Variants in GRIN2B observed in about 807,000 individuals in gnomAD.
GRIN2B encodes the protein glutamate ionotropic receptor NMDA type subunit 2B.
Under a neutral mutation model 114.5 loss-of-function variants are expected in GRIN2B, and 5 were observed. That is an observed-to-expected ratio of 0.04 (90% confidence interval 0.02 to 0.09). The LOEUF is 0.09. Ranked by LOEUF, GRIN2B falls within the 10% of genes least tolerant of loss-of-function variation. GRIN2B has a pLI of 1.00. For synonymous variants in GRIN2B, 787 were observed against 745.1 expected, an observed-to-expected ratio of 1.06 and a Z score of -0.92; for missense variants, 1,108 against 1,943.5, an observed-to-expected ratio of 0.57 and a Z score of 8.08.
In GRIN2B at chr12:13,547,981, A is replaced by ATATATATATTTTTTTTTTTTTTTTT; in HGVS notation, c.*14801_*14802insAAAAAAAAAAAAAAAAATATATATA. 6 of 68,584 alleles carry ATATATATATTTTTTTTTTTTTTTTT rather than the reference A, an allele frequency of 8.7e-5. No homozygotes were observed. Among genetic ancestry groups the ATATATATATTTTTTTTTTTTTTTTT allele is most frequent in the East Asian group, 5.8e-4 (1 of 1,736 alleles). The allele number at this position is 68,584 out of a possible 1,614,324, so 4.2% of individuals were successfully genotyped here. A position where few individuals can be genotyped will look rare whatever the true frequency, so the allele number is the denominator to read the frequency against. ...TGTGTATATATATATATATATATATATTTTTTTTTTTTTTCTGAAAGCTAC... is the reference window on the plus strand; with the variant it reads ...TGTGTATATATATATATATATATATATATATATATTTTTTTTTTTTTTTTTTTTTTTTTTTTTTTCTGAAAGCTAC... On this transcript the variant is annotated 3_prime_UTR_variant, in exon 14 of 14. Transcript: ENST00000609686.
chr12:13,879,314 A>T (rs1165206576), intron 2 of GRIN2B, among the ~76,000 whole-genome samples: 1 of 152,178 alleles, frequency 6.6e-6, no homozygotes, highest in Non-Finnish European at 1.5e-5. Flanking sequence ...GTTGTAACAC[A>T]GTGGTAAGGA....
chr12:13,574,406 C>G (rs577212408), intron 10 of GRIN2B, among the ~76,000 whole-genome samples: 37 of 152,206 alleles, frequency 2.4e-4, no homozygotes, highest in Non-Finnish European at 5.1e-4. Flanking sequence ...TAATTCCCCA[C>G]AATACTAGGA....
At chr12:13,662,003 A>G (rs559660194) in intron 5 of GRIN2B, among the ~76,000 whole-genome samples, 25 of 152,318 alleles carry the variant, frequency 1.6e-4, no homozygotes, top group African/African-American at 5.8e-4. Flanking sequence ...AACTGGAGAC[A>G]AGGAAGTGAA....
chr12:13,900,326 T>C (rs1199938202), intron 2 of GRIN2B, among the ~76,000 whole-genome samples: 1 of 151,668 alleles, frequency 6.6e-6, no homozygotes, highest in Non-Finnish European at 1.5e-5. Context: ...ATACAAAAAA[T>C]TAGCTGGTCA....
intron 3 of GRIN2B, among the ~76,000 whole-genome samples, chr12:13,824,781 G>A (rs1039199917): frequency 4.6e-5 from 7 of 150,782 alleles, no homozygotes; most frequent in South Asian, 2.1e-4. Context: ...GCTTGAACCC[G>A]GGAGGCGGAG....
intron 2 of GRIN2B, among the ~76,000 whole-genome samples, chr12:13,933,465 C>A (rs1867075540): frequency 6.6e-6 from 1 of 152,318 alleles, no homozygotes; most frequent in South Asian, 2.1e-4. Flanking sequence ...TTCCCCCAGA[C>A]ATCTCCTTGA....
chr12:13,663,888 C>T lies in GRIN2B; in HGVS notation c.1125+11857G>A, dbSNP rs117177318. On this transcript the variant is annotated intron_variant, in intron 5 of 13. Coordinates refer to ENST00000609686, the MANE Select transcript of GRIN2B (RefSeq NM_000834.5). ...TGTTCAAGTAAAATGATAGTGAACA[C>T]GAGAGTAGCACTTGCTACATGTCAG... 2.2e-3 allele frequency among the ~76,000 whole-genome samples: 333 copies of T among 152,146 alleles called. 4 individuals carry two copies. In the East Asian group the frequency reaches 0.039, roughly 18 times the overall value.
rs1949434290 is a variant in GRIN2B, at chr12:13,615,973, A to G, written c.1329-309T>C. Among the ~76,000 whole-genome samples the G allele has an allele frequency of 6.6e-6, 1 of 152,156 alleles. No individual in the cohort carries two copies. ...GACTTTTCAGACTGAACTCTTATTA[A>G]TCAGCACCCGGATCCAGATACAGAA... On this transcript the variant is annotated intron_variant, in intron 6 of 13. Coordinates refer to ENST00000609686, the MANE Select transcript of GRIN2B (RefSeq NM_000834.5). The surrounding 1 kb of genome is among the most constrained non-coding windows in gnomAD (Gnocchi z 5.8).
chr12:13,547,981 A>ATATATATATATATATATTTTTTTTTTTT lies in GRIN2B; in HGVS notation c.*14801_*14802insAAAAAAAAAAAATATATATATATATATA. 11 of 68,584 alleles carry ATATATATATATATATATTTTTTTTTTTT rather than the reference A, an allele frequency of 1.6e-4. No homozygotes were observed. Among genetic ancestry groups the ATATATATATATATATATTTTTTTTTTTT allele is most frequent in the South Asian group, 7.3e-4 (1 of 1,376 alleles). 4.2% of individuals were successfully genotyped at this position (68,584 alleles called of 1,614,324 possible). A position where few individuals can be genotyped will look rare whatever the true frequency, so the allele number is the denominator to read the frequency against. On this transcript the variant is annotated 3_prime_UTR_variant, in exon 14 of 14. Transcript: ENST00000609686. ...TGTGTATATATATATATATATATATATTTTTTTTTTTTTTCTGAAAGCTAC... is the reference window on the plus strand; with the variant it reads ...TGTGTATATATATATATATATATATATATATATATATATATATTTTTTTTTTTTTTTTTTTTTTTTTTCTGAAAGCTAC...
intron 5 of GRIN2B, among the ~76,000 whole-genome samples, chr12:13,645,730 T>A (rs1217179620): frequency 6.6e-6 from 1 of 151,970 alleles, no homozygotes; most frequent in Non-Finnish European, 1.5e-5. Context: ...TGATATGGGA[T>A]TAGGCCTCTA....
intron 5 of GRIN2B, among the ~76,000 whole-genome samples, chr12:13,644,668 T>C (rs1169982190): frequency 6.6e-6 from 1 of 152,208 alleles, no homozygotes; most frequent in East Asian, 1.9e-4. Flanking sequence ...TGAAAATCTG[T>C]TGTTTAGTGT....
At chr12:13,644,711 A>C (rs530279994) in intron 5 of GRIN2B, among the ~76,000 whole-genome samples, 3 of 152,162 alleles carry the variant, frequency 2.0e-5, no homozygotes, top group Non-Finnish European at 4.4e-5. Flanking sequence ...GCTAGATCTT[A>C]TGGATAACTT....
intron 3 of GRIN2B, among the ~76,000 whole-genome samples, chr12:13,808,639 A>C (rs900124478): frequency 1.3e-5 from 2 of 151,776 alleles, no homozygotes; most frequent in Non-Finnish European, 2.9e-5. Flanking sequence ...GATATACCTA[A>C]TGTAAATGAT....
At chr12:13,958,699 C>T (rs1327272968) in intron 2 of GRIN2B, among the ~76,000 whole-genome samples, 2 of 152,140 alleles carry the variant, frequency 1.3e-5, no homozygotes, top group African/African-American at 4.8e-5. Context: ...CTTCCTCCTC[C>T]TCCCTCCACT....
chr12:13,664,215 T>C (rs926204745), intron 5 of GRIN2B, among the ~76,000 whole-genome samples: 6 of 151,900 alleles, frequency 3.9e-5, no homozygotes, highest in Non-Finnish European at 8.8e-5. Flanking sequence ...TGCTGGAGAA[T>C]AGTTAGTTGC....
At chr12:13,760,892 C>A (rs1398144379) in intron 3 of GRIN2B, among the ~76,000 whole-genome samples, 1 of 152,194 alleles carries the variant, frequency 6.6e-6, no homozygotes, top group Non-Finnish European at 1.5e-5. Flanking sequence ...TGATACCACA[C>A]CATCATTTTT....
intron 10 of GRIN2B, among the ~76,000 whole-genome samples, chr12:13,581,060 A>G (rs1359100052): frequency 3.3e-5 from 5 of 152,176 alleles, no homozygotes; most frequent in African/African-American, 1.2e-4. Context: ...TGATCCATTT[A>G]TCTATTGAAG....
intron 5 of GRIN2B, among the ~76,000 whole-genome samples, chr12:13,651,009 T>C (rs916993337): frequency 6.6e-6 from 1 of 152,110 alleles, no homozygotes; most frequent in Non-Finnish European, 1.5e-5. Context: ...GGACTTCATA[T>C]GGCCTCTTAC....
intron 2 of GRIN2B, among the ~76,000 whole-genome samples, chr12:13,933,704 G>A (rs1867079106): frequency 6.6e-6 from 1 of 152,222 alleles, no homozygotes; most frequent in South Asian, 2.1e-4. Context: ...TAAAGTAGAG[G>A]CCCATGGTGG....
Sources: allele counts gnomAD v4.1 joint callset (sites outside exome capture counted in the v4.1 genomes callset), GRCh38; gene constraint gnomAD v4.1.1; non-coding constraint Gnocchi (gnomAD v3.1); transcripts MANE v1.5; gene names NCBI Gene and HGNC (gene_info 2026-07-23, HGNC 2026-07-21).